The following MRPL13 variants were observed in gnomAD, a reference collection of about 807,000 sequenced individuals.
MRPL13 encodes the protein mitochondrial ribosomal protein L13.
A neutral mutation model predicts 29.0 loss-of-function variants in MRPL13; 33 were observed. The observed-to-expected ratio is 1.14, with a 90% CI of 0.86 to 1.52. The LOEUF is 1.52. Among genes scored for constraint, MRPL13 ranks in the 40% most tolerant of loss-of-function variants. The pLI, the probability that MRPL13 is intolerant of heterozygous loss-of-function variation, is 0.00. For missense variants in MRPL13, 227 were observed against 216.7 expected (o/e 1.05, Z -0.30); for synonymous variants, 77 against 68.4 (o/e 1.13, Z -0.62).
chr8:120,400,600 G>T (rs1812580199), intron 6 of MRPL13, among the ~76,000 whole-genome samples: 1 of 151,394 alleles, frequency 6.6e-6, no homozygotes, highest in African/African-American at 2.4e-5. Flanking sequence ...GCTAGCAGAA[G>T]ACAAGAAATA....
At chr8:120,432,150 T>G (rs1237805667) in intron 2 of MRPL13, 27 bp from the exon 3 acceptor site, 9 of 1,525,806 alleles carry the variant, frequency 5.9e-6, no homozygotes, top group Non-Finnish European at 7.9e-6. Flanking sequence ...AACAAGATTT[T>G]GTAAGAAAAA....
At chr8:120,434,425 C>G (rs142450410) in intron 2 of MRPL13, among the ~76,000 whole-genome samples, 1 of 152,014 alleles carries the variant, frequency 6.6e-6, no homozygotes, top group Non-Finnish European at 1.5e-5. Flanking sequence ...ATAATGTTTA[C>G]GGAGAAAACA....
At chr8:120,428,055 C>T (rs540111618) in intron 3 of MRPL13, among the ~76,000 whole-genome samples, 1 of 149,664 alleles carries the variant, frequency 6.7e-6, no homozygotes, top group East Asian at 2.0e-4. Context: ...AAGAACAAAG[C>T]TGGAGGCATC....
chr8:120,405,971 A>T (rs148909386), intron 6 of MRPL13, among the ~76,000 whole-genome samples: 1 of 152,330 alleles, frequency 6.6e-6, no homozygotes, highest in African/African-American at 2.4e-5. Flanking sequence ...GTGAATGTAT[A>T]TTGTACATTA....
intron 6 of MRPL13, among the ~76,000 whole-genome samples, chr8:120,397,849 C>T (rs1446965640): frequency 6.6e-6 from 1 of 152,204 alleles, no homozygotes; most frequent in African/African-American, 2.4e-5. Context: ...TGCAGCATAG[C>T]TGCTGTGCCA....
Position 120,420,506 on chromosome 8 carries a change from T to C in MRPL13, c.307-568A>G, listed in dbSNP as rs149696065. ...TATATAAAATATATATAAATATATA[T>C]ATATTTATGTTGTTAAAATTAAAAG... On this transcript the variant is annotated intron_variant, in intron 4 of 6. Transcript: ENST00000306185. 6.2e-3 allele frequency among the ~76,000 whole-genome samples: 915 copies of C among 147,776 alleles called. 4 individuals are homozygous for C. The highest frequency in any genetic ancestry group is 9.4e-3 in the Non-Finnish European group (628 of 67,040).
At chr8:120,406,573 G>A (rs1473925299) in intron 6 of MRPL13, among the ~76,000 whole-genome samples, 1 of 151,122 alleles carries the variant, frequency 6.6e-6, no homozygotes, top group Non-Finnish European at 1.5e-5. Flanking sequence ...GTGTGTGTGT[G>A]TGTGTGTGTG....
chr8:120,411,602 A>G (rs1812740284), intron 6 of MRPL13, among the ~76,000 whole-genome samples: 1 of 152,230 alleles, frequency 6.6e-6, no homozygotes, highest in South Asian at 2.1e-4. Flanking sequence ...CATACGTTTC[A>G]GTAAACGTAT....
At chr8:120,434,746 TATAGG>T (rs761276545) in intron 2 of MRPL13, among the ~76,000 whole-genome samples, 14 of 152,018 alleles carry the variant, frequency 9.2e-5, no homozygotes, top group Non-Finnish European at 2.1e-4. Context: ...AGACCTAGAG[TATAGG>T]ATAACTTTTT....
intron 4 of MRPL13, among the ~76,000 whole-genome samples, chr8:120,423,169 C>T (rs1377501658): frequency 2.0e-5 from 3 of 151,522 alleles, no homozygotes; most frequent in Non-Finnish European, 4.4e-5. Flanking sequence ...AAAGGTCAAT[C>T]AGATTAGACA....
chr8:120,398,390 G>C (rs1223451761), intron 6 of MRPL13, among the ~76,000 whole-genome samples: 1 of 152,066 alleles, frequency 6.6e-6, no homozygotes, highest in Non-Finnish European at 1.5e-5. Flanking sequence ...CCAGCAAACT[G>C]CAACAGTCCT....
intron 6 of MRPL13, among the ~76,000 whole-genome samples, chr8:120,402,074 C>T (rs555055368): frequency 7.9e-5 from 12 of 152,282 alleles, no homozygotes; most frequent in African/African-American, 2.4e-4. Flanking sequence ...GTCCATACTG[C>T]CCAAAGTAAT....
intron 2 of MRPL13, among the ~76,000 whole-genome samples, chr8:120,434,588 AATG>A (rs770696066): frequency 7.9e-5 from 12 of 152,102 alleles, no homozygotes; most frequent in African/African-American, 2.4e-4. Flanking sequence ...ATAAGGAGAC[AATG>A]ATATCATTCA....
intron 4 of MRPL13, among the ~76,000 whole-genome samples, chr8:120,424,503 C>T (rs1176769666): frequency 1.3e-5 from 2 of 151,886 alleles, no homozygotes; most frequent in African/African-American, 2.4e-5. Flanking sequence ...TGGTGGCTCT[C>T]GCCTGTAATC....
At chr8:120,419,026 A>G (rs1812838916) in intron 5 of MRPL13, among the ~76,000 whole-genome samples, 1 of 152,064 alleles carries the variant, frequency 6.6e-6, no homozygotes. Context: ...TTCCTTCAGA[A>G]GGAACAAGAA....
intron 6 of MRPL13, among the ~76,000 whole-genome samples, chr8:120,401,593 A>G (rs1260029447): frequency 6.6e-6 from 1 of 152,182 alleles, no homozygotes; most frequent in Non-Finnish European, 1.5e-5. Context: ...AAACCAGCAA[A>G]TGACAAGGAT....
intron 2 of MRPL13, 45 bp downstream of exon 2, chr8:120,443,140 C>CA (rs1813143345): frequency 7.0e-7 from 1 of 1,431,074 alleles, no homozygotes; most frequent in South Asian, 1.7e-5. Flanking sequence ...TCTATTCTGG[C>CA]ATGAAAACTA....
intron 6 of MRPL13, among the ~76,000 whole-genome samples, chr8:120,405,705 T>C (rs1009638924): frequency 1.3e-5 from 2 of 152,218 alleles, no homozygotes; most frequent in African/African-American, 2.4e-5. Context: ...CAAGCAGCTT[T>C]AGTACTCAGC....
intron 4 of MRPL13, among the ~76,000 whole-genome samples, chr8:120,423,433 T>C (rs1310286132): frequency 1.3e-5 from 2 of 151,660 alleles, no homozygotes; most frequent in Non-Finnish European, 2.9e-5. Context: ...AATAAGACTG[T>C]AGTAGGAAGA....
Sources: gnomAD v4.1 joint callset for allele counts (sites outside exome capture counted in the v4.1 genomes callset) on GRCh38, gnomAD v4.1.1 for gene constraint, MANE v1.5 for transcripts, NCBI Gene and HGNC (gene_info 2026-07-23, HGNC 2026-07-21) for gene names.